Variants in C10orf90 observed in about 807,000 individuals in gnomAD.
C10orf90 encodes (E2-independent) E3 ubiquitin-conjugating enzyme FATS.
C10orf90 carries 56 observed loss-of-function variants against 62.5 expected under a neutral mutation model. The observed-to-expected ratio is 0.90, with a 90% CI of 0.72 to 1.12. The LOEUF (loss-of-function observed/expected upper bound fraction) is 1.12. Among genes scored for constraint, C10orf90 ranks in the 50% most tolerant of loss-of-function variants. The pLI is 0.00. For synonymous variants in C10orf90, 386 were observed against 340.4 expected (o/e 1.13, Z -1.47); for missense variants, 970 against 880.4 (o/e 1.10, Z -1.29).
Position 126,623,982 on chromosome 10 carries a change from G to A in C10orf90, c.313+22583C>T, listed in dbSNP as rs186558606. Reference sequence around the variant, plus strand: ...TTGTGGAATGAATGACTCCACCATCGCATTTTGGGGTCAACCCTGGTAATG... The same window carrying A: ...TTGTGGAATGAATGACTCCACCATCACATTTTGGGGTCAACCCTGGTAATG... On this transcript the variant is annotated intron_variant, in intron 2 of 9. Transcript: ENST00000488181. 5.7e-4 allele frequency among the ~76,000 whole-genome samples: 87 copies of A among 152,196 alleles called. No homozygotes were observed. The East Asian group carries it at 0.015, about 27-fold the overall frequency.
chr10:126,442,633 GTATATATATATATATATATATA>G (rs56368633), intron 7 of C10orf90, among the ~76,000 whole-genome samples: 1,865 of 88,452 alleles, frequency 0.021, 48 homozygotes, highest in Non-Finnish European at 0.03. Flanking sequence ...TTGTGTGTGT[GTATATATATATATATATATATA>G]TATATATATA....
Position 126,461,503 on chromosome 10 carries a change from T to A in C10orf90, c.1908A>T (p.Pro636=), listed in dbSNP as rs1227327121. 1.2e-6 allele frequency: 2 copies of A among 1,613,886 alleles called. No individual in the cohort carries two copies. Among genetic ancestry groups the A allele is most frequent in the Admixed American group, 3.3e-5 (2 of 59,948 alleles). Residue 636 remains proline, a synonymous_variant, in exon 6 of 10, where the codon CCA becomes CCT. Coordinates refer to ENST00000488181, the MANE Select transcript of C10orf90 (RefSeq NM_001350921.2). ...SEDPTTPEPS[P]AAPSPAPRDG... ...CGCGGGGTGCTGGCGAGGGTGCTGC[T>A]GGGGAGGGCTCAGGTGTGGTGGGGT...
intron 2 of C10orf90, among the ~76,000 whole-genome samples, chr10:126,567,519 C>T (rs1466365224): frequency 6.6e-6 from 1 of 152,168 alleles, no homozygotes; most frequent in Non-Finnish European, 1.5e-5. Context: ...ATGAGACCCT[C>T]TTCCCCCACC....
chr10:126,527,375 A>T (rs1445381521), intron 2 of C10orf90, among the ~76,000 whole-genome samples: 1 of 152,152 alleles, frequency 6.6e-6, no homozygotes, highest in East Asian at 1.9e-4. Flanking sequence ...AAAAATGTCT[A>T]TCCAGATCCT....
chr10:126,443,679 C>T (rs1315447274), intron 7 of C10orf90, among the ~76,000 whole-genome samples: 1 of 151,956 alleles, frequency 6.6e-6, no homozygotes, highest in African/African-American at 2.4e-5. Flanking sequence ...TTCATGAAGC[C>T]AGCATCACCT....
intron 1 of C10orf90, among the ~76,000 whole-genome samples, chr10:126,665,044 G>A (rs1304768962): frequency 1.3e-5 from 2 of 152,184 alleles, no homozygotes; most frequent in Admixed American, 6.5e-5. Flanking sequence ...CTTCTAGGAG[G>A]AGCCCCAGCA....
At chr10:126,599,389 A>G (rs1845151364) in intron 2 of C10orf90, among the ~76,000 whole-genome samples, 1 of 149,770 alleles carries the variant, frequency 6.7e-6, no homozygotes, top group Non-Finnish European at 1.5e-5. Flanking sequence ...TTAAGTAGAG[A>G]TGGGGTTTCA....
At chr10:126,525,047 T>A (rs1865906) in intron 2 of C10orf90, among the ~76,000 whole-genome samples, 1 of 152,138 alleles carries the variant, frequency 6.6e-6, no homozygotes, top group East Asian at 1.9e-4. Flanking sequence ...CAGAAAGAGA[T>A]GCCACCCTCA....
intron 7 of C10orf90, among the ~76,000 whole-genome samples, chr10:126,434,710 C>T (rs185905801): frequency 6.6e-6 from 1 of 152,236 alleles, no homozygotes; most frequent in Admixed American, 6.5e-5. Flanking sequence ...TTAAGGGAAC[C>T]CCCAACATGT....
chr10:126,479,546 G>A (rs1861064561), intron 4 of C10orf90, among the ~76,000 whole-genome samples: 1 of 152,180 alleles, frequency 6.6e-6, no homozygotes, highest in Non-Finnish European at 1.5e-5. Context: ...CATCCTGAAT[G>A]GGAGTCTGAG....
chr10:126,615,026 G>A (rs557368114), intron 2 of C10orf90, among the ~76,000 whole-genome samples: 11 of 152,258 alleles, frequency 7.2e-5, no homozygotes, highest in Admixed American at 7.2e-4. Context: ...ATGGTTCCAG[G>A]TGGCCTTGCT....
chr10:126,626,942 G>A (rs1378642918), intron 2 of C10orf90, among the ~76,000 whole-genome samples: 1 of 151,890 alleles, frequency 6.6e-6, no homozygotes, highest in Non-Finnish European at 1.5e-5. Flanking sequence ...AGGGCTCAGT[G>A]AAACCAGGTT....
chr10:126,458,657 A>C (rs1355220820), intron 7 of C10orf90, among the ~76,000 whole-genome samples: 1 of 152,138 alleles, frequency 6.6e-6, no homozygotes, highest in Non-Finnish European at 1.5e-5. Flanking sequence ...TGATATAGAC[A>C]AGCTGGAGTC....
chr10:126,532,705 C>T (rs535821381), intron 2 of C10orf90, among the ~76,000 whole-genome samples: 8 of 150,074 alleles, frequency 5.3e-5, no homozygotes, highest in Non-Finnish European at 8.9e-5. Context: ...GGCATGGTGG[C>T]GGGTGCCTGT....
chr10:126,664,998 G>A (rs1846597160), intron 1 of C10orf90, among the ~76,000 whole-genome samples: 1 of 152,156 alleles, frequency 6.6e-6, no homozygotes, highest in African/African-American at 2.4e-5. Flanking sequence ...TTTGAATGGA[G>A]GCCATCAGCC....
chr10:126,603,921 C>T (rs1256819135), intron 2 of C10orf90, among the ~76,000 whole-genome samples: 2 of 152,136 alleles, frequency 1.3e-5, no homozygotes, highest in African/African-American at 4.8e-5. Flanking sequence ...ATTGCTTCAC[C>T]GCAAATCCAG....
intron 2 of C10orf90, among the ~76,000 whole-genome samples, chr10:126,609,408 A>C (rs573139294): frequency 1.3e-5 from 2 of 152,278 alleles, no homozygotes; most frequent in East Asian, 3.9e-4. Flanking sequence ...CATCTCAAAA[A>C]ACAAAAAAGG....
At chr10:126,570,459 G>A (rs1260270108) in intron 2 of C10orf90, among the ~76,000 whole-genome samples, 1 of 152,204 alleles carries the variant, frequency 6.6e-6, no homozygotes, top group African/African-American at 2.4e-5. Flanking sequence ...GTACTATAAT[G>A]TAATGCTCAA....
chr10:126,584,422 T>A (rs1407549551), intron 2 of C10orf90, among the ~76,000 whole-genome samples: 2 of 151,982 alleles, frequency 1.3e-5, no homozygotes, highest in African/African-American at 4.8e-5. Context: ...CCTGTCCACC[T>A]TCCATCTGTC....
Sources: gnomAD v4.1 joint callset for allele counts (sites outside exome capture counted in the v4.1 genomes callset) on GRCh38, gnomAD v4.1.1 for gene constraint, MANE v1.5 for transcripts, NCBI Gene and HGNC (gene_info 2026-07-23, HGNC 2026-07-21) for gene names.